The following ZNF384 variants were observed in gnomAD, a reference collection of about 807,000 sequenced individuals.
The protein encoded by ZNF384 is zinc finger protein 384.
In ZNF384, 20 loss-of-function variants were observed where a neutral mutation model predicts 65.0. That is an observed-to-expected ratio of 0.31 (90% CI 0.22 to 0.45). ZNF384 has a LOEUF of 0.45. ZNF384 is among the 20% of genes least tolerant of loss of function. The pLI is 1.00. For synonymous variants in ZNF384, 310 were observed against 303.9 expected (o/e 1.02, Z -0.21); for missense variants, 549 against 769.4 (o/e 0.71, Z 3.39).
chr12:6,672,245 G>C lies in ZNF384; in HGVS notation c.1187+105C>G. The C allele has an allele frequency of 7.8e-7, 1 of 1,284,320 alleles. No homozygotes were observed. 79.6% of individuals were successfully genotyped at this position (1,284,320 alleles called of 1,614,324 possible). Reference sequence around the variant, plus strand: ...GCCAGCCAGGTCTCTCCTCCAGCCAGGTCTCTCCCCCGCCCCCCGCATGCG... The same window carrying C: ...GCCAGCCAGGTCTCTCCTCCAGCCACGTCTCTCCCCCGCCCCCCGCATGCG... On this transcript the variant is annotated intron_variant, in intron 9 of 11. Coordinates refer to ENST00000683879, the MANE Select transcript of ZNF384 (RefSeq NM_001385745.1). This position sits in a 1 kb window ranked among gnomAD's most constrained non-coding sequence, Gnocchi z 4.4.
intron 2 of ZNF384, among the ~76,000 whole-genome samples, chr12:6,681,319 T>C (rs1955874436): frequency 6.6e-6 from 1 of 151,844 alleles, no homozygotes; most frequent in Non-Finnish European, 1.5e-5. Context: ...CACCACCCAG[T>C]TTCACATTCT....
intron 1 of ZNF384, 48 bp downstream of exon 1, chr12:6,689,047 GGGA>G (rs926847986): frequency 2.0e-5 from 3 of 152,356 alleles, no homozygotes; most frequent in Non-Finnish European, 4.4e-5. Flanking sequence ...AAGGGGAGGG[GGGA>G]GGAGCAAGCA....
intron 2 of ZNF384, among the ~76,000 whole-genome samples, chr12:6,687,510 A>AT (rs1295469322): frequency 6.6e-6 from 1 of 152,222 alleles, no homozygotes; most frequent in African/African-American, 2.4e-5. Flanking sequence ...CTCTGGGATC[A>AT]TAAGTTCTGA....
chr12:6,680,803 T>C (rs1253352080), intron 2 of ZNF384, among the ~76,000 whole-genome samples: 1 of 152,172 alleles, frequency 6.6e-6, no homozygotes, highest in African/African-American at 2.4e-5. Context: ...AAAGCACTTC[T>C]AGTTTTAGAA....
rs1481790975 is a variant in ZNF384 at position 6,672,152 on chromosome 12, C to T, written c.1187+198G>A. 9 of 589,674 alleles carry T rather than the reference C, an allele frequency of 1.5e-5. No homozygotes were observed. In the Admixed American group the frequency reaches 1.8e-4, roughly 12 times the overall value. 36.5% of individuals were successfully genotyped at this position (589,674 alleles called of 1,614,324 possible). On this transcript the variant is annotated intron_variant, in intron 9 of 11. Transcript: ENST00000683879. This position sits in a 1 kb window ranked among gnomAD's most constrained non-coding sequence, Gnocchi z 4.4. ...TAGTCACTGCAGCTCCCCGACGTAG[C>T]TCTTGCCCCAGAGAAGCTCTGTGTC...
rs1309061649 is a variant in ZNF384 at position 6,672,104 on chromosome 12, C to T, written c.1187+246G>A. On this transcript the variant is annotated intron_variant, in intron 9 of 11. Coordinates refer to ENST00000683879, the MANE Select transcript of ZNF384 (RefSeq NM_001385745.1). The surrounding 1 kb of genome is among the most constrained non-coding windows in gnomAD (Gnocchi z 4.4). Reference sequence around the variant, plus strand: ...TTCTACTCCAGGTACGTGTCTGTCTCCCATGGATCAGTGAATATCATATAG... The same window carrying T: ...TTCTACTCCAGGTACGTGTCTGTCTTCCATGGATCAGTGAATATCATATAG... The T allele has an allele frequency of 2.1e-6, 1 of 472,710 alleles. No individual in the cohort carries two copies. The highest frequency in any genetic ancestry group is 3.6e-5 in the East Asian group (1 of 27,930). The allele number at this position is 472,710 out of a possible 1,614,324, so 29.3% of individuals were successfully genotyped here. A position where few individuals can be genotyped will look rare whatever the true frequency, so the allele number is the denominator to read the frequency against.
In ZNF384 at chr12:6,667,147, C is replaced by G. The variant is rs1949967677; in HGVS notation, c.*567G>C. On this transcript the variant is annotated 3_prime_UTR_variant, in exon 12 of 12. Transcript: ENST00000683879. ...TTGCCCCCTTCAAATAAAAGGAGGTCTAGCCCCTACCCCAAATCTCCTTCT... is the reference window on the plus strand; with the variant it reads ...TTGCCCCCTTCAAATAAAAGGAGGTGTAGCCCCTACCCCAAATCTCCTTCT... The G allele has an allele frequency of 3.9e-6, 1 of 256,412 alleles. No individual in the cohort carries two copies. Among genetic ancestry groups the G allele is most frequent in the Non-Finnish European group, 7.6e-6 (1 of 130,864 alleles). The allele number at this position is 256,412 out of a possible 1,614,324, so 15.9% of individuals were successfully genotyped here.
rs1022612380 is a variant in ZNF384 at position 6,678,538 on chromosome 12, T to C, written c.353-78A>G. On this transcript the variant is annotated intron_variant, in intron 5 of 11. Transcript: ENST00000683879. The surrounding 1 kb of genome is among the most constrained non-coding windows in gnomAD (Gnocchi z 4.9). ...ATCCTATTTCATTTCCCCCAGATCA[T>C]TGTCTAATTAACCCCTCACCCCCCC... The C allele has an allele frequency of 1.9e-5, 29 of 1,519,134 alleles. No homozygotes were observed. The African/African-American group carries it at 3.0e-4, about 16-fold the overall frequency. The allele number at this position is 1,519,134 out of a possible 1,614,324, so 94.1% of individuals were successfully genotyped here.
In ZNF384 at chr12:6,672,094, G is replaced by GT. The variant is rs1214811509; in HGVS notation, c.1187+255dup. ...GAAAAGTTGTTTCTACTCCAGGTAC[G>GT]TGTCTGTCTCCCATGGATCAGTGAA... On this transcript the variant is annotated intron_variant, in intron 9 of 11. Coordinates refer to ENST00000683879, the MANE Select transcript of ZNF384 (RefSeq NM_001385745.1). This position sits in a 1 kb window ranked among gnomAD's most constrained non-coding sequence, Gnocchi z 4.4. 9.4e-5 allele frequency: 40 copies of GT among 426,606 alleles called. No individual in the cohort carries two copies. The highest frequency in any genetic ancestry group is 7.2e-4 in the African/African-American group (36 of 50,026). 26.4% of individuals were successfully genotyped at this position (426,606 alleles called of 1,614,324 possible).
Position 6,668,015 on chromosome 12 carries a change from G to A in ZNF384, c.1526C>T (p.Ala509Val). The change falls in exon 12 of 12, where the codon GCT (alanine) becomes GTT (valine). Residue 509 changes from alanine to valine, a missense_variant. Around this residue, in one of 5 missense-constraint regions of ZNF384, gnomAD observed 136 missense variants for 183.0 expected, o/e 0.74. Transcript: ENST00000683879. The part of the protein sequence containing the change: ...AAAAAVAQAQ[A>V]QAQAQAQAQA... ...AGCCTGAGCCTGGGCTTGAGCTTGA[G>A]CCTGGGCCTGGGCCACTGCTGCCGC... 6.2e-7 allele frequency: 1 copy of A among 1,613,582 alleles called. No individual in the cohort carries two copies. The highest frequency in any genetic ancestry group is 8.5e-7 in the Non-Finnish European group (1 of 1,179,726).
At chr12:6,682,350 C>T (rs185390782) in intron 2 of ZNF384, among the ~76,000 whole-genome samples, 1 of 151,362 alleles carries the variant, frequency 6.6e-6, no homozygotes, top group African/African-American at 2.4e-5. Context: ...CAAAACAAAA[C>T]AAAACAAAAC....
chr12:6,679,386 C>A, intron 3 of ZNF384, 69 bp downstream of exon 3: 1 of 1,452,292 alleles, frequency 6.9e-7, no homozygotes. Flanking sequence ...ATGTGGTGTA[C>A]CTTCAGTCTC....
At chr12:6,686,284 C>T (rs1232036229) in intron 2 of ZNF384, among the ~76,000 whole-genome samples, 1 of 152,178 alleles carries the variant, frequency 6.6e-6, no homozygotes, top group African/African-American at 2.4e-5. Context: ...GACAGAGTCT[C>T]ATTTTGTTGC....
chr12:6,681,111 T>C lies in ZNF384; in HGVS notation c.-5-1586A>G, dbSNP rs149381985. On this transcript the variant is annotated intron_variant, in intron 2 of 11. Coordinates refer to ENST00000683879, the MANE Select transcript of ZNF384 (RefSeq NM_001385745.1). ...GCGCATGCCTGTAATCCCAGCTACT[T>C]GGGAGGCTGAGGCAAGAGAATTGCT... 7.8e-3 allele frequency among the ~76,000 whole-genome samples: 1,167 copies of C among 149,812 alleles called. 16 individuals carry two copies. Among genetic ancestry groups the C allele is most frequent in the African/African-American group, 0.025 (1,019 of 40,562 alleles).
At chr12:6,668,326 A>AACT (rs1208250772) in intron 11 of ZNF384, among the ~76,000 whole-genome samples, 1 of 152,212 alleles carries the variant, frequency 6.6e-6, no homozygotes, top group Non-Finnish European at 1.5e-5. Flanking sequence ...CTCAACATTC[A>AACT]ACTGGCAAAG....
chr12:6,679,069 G>A lies in ZNF384; in HGVS notation c.181C>T (p.Leu61=), dbSNP rs1954866345. 2 of 1,614,166 alleles carry A rather than the reference G, an allele frequency of 1.2e-6. No homozygotes were observed. Among genetic ancestry groups the A allele is most frequent in the East Asian group, 2.2e-5 (1 of 44,870 alleles). The change falls in exon 4 of 12, where the codon CTG becomes TTG. Residue 61 remains leucine, a synonymous_variant. Coordinates refer to ENST00000683879, the MANE Select transcript of ZNF384 (RefSeq NM_001385745.1). ...TLLTVPASVS[L]PSGISMDTES... is the part of the protein sequence containing the mutation. ...GTGTCCATACTGATGCCTGAGGGCA[G>A]GGACACTGAGGCAGGCACTGTCAGC...
chr12:6,685,631 G>C (rs769983290), intron 2 of ZNF384, among the ~76,000 whole-genome samples: 2 of 151,950 alleles, frequency 1.3e-5, no homozygotes, highest in Non-Finnish European at 2.9e-5. Context: ...AAATTAGCTG[G>C]GCATGGTGGC....
intron 2 of ZNF384, among the ~76,000 whole-genome samples, chr12:6,687,727 C>G (rs996393478): frequency 6.6e-6 from 1 of 152,184 alleles, no homozygotes; most frequent in African/African-American, 2.4e-5. Context: ...CACAGACCCA[C>G]TTCTAACACT....
Position 6,672,333 on chromosome 12 carries a change from C to T in ZNF384, c.1187+17G>A. 1 of 1,609,156 alleles carries T rather than the reference C, an allele frequency of 6.2e-7. No homozygotes were observed. The highest frequency in any genetic ancestry group is 8.5e-7 in the Non-Finnish European group (1 of 1,177,324). On this transcript the variant is annotated intron_variant, in intron 9 of 11. Transcript: ENST00000683879. This position sits in a 1 kb window ranked among gnomAD's most constrained non-coding sequence, Gnocchi z 4.4. ...ATGCCAGCGGGGCGGGGTCAGTAGC[C>T]CGCCACTCTCCCTTACCGTGTGTGC... is the stretch of plus-strand genomic sequence containing the variant.
Sources: allele counts gnomAD v4.1 joint callset (sites outside exome capture counted in the v4.1 genomes callset), GRCh38; gene constraint gnomAD v4.1.1; regional missense constraint gnomAD v4.1.1; non-coding constraint Gnocchi (gnomAD v3.1); transcripts MANE v1.5; gene names NCBI Gene and HGNC (gene_info 2026-07-23, HGNC 2026-07-21).